Variants in SFMBT2 observed in about 807,000 individuals in gnomAD.
SFMBT2 encodes the protein Scm like with four mbt domains 2.
SFMBT2 carries 38 observed loss-of-function variants against 110.1 expected under a neutral mutation model. The observed-to-expected ratio is 0.35, with a 90% CI of 0.27 to 0.45. The LOEUF (loss-of-function observed/expected upper bound fraction) is 0.45, where lower values mean the gene tolerates loss of function less well. Ranked by LOEUF, SFMBT2 falls within the 20% of genes least tolerant of loss-of-function variation. The pLI, the probability that SFMBT2 is intolerant of heterozygous loss-of-function variation, is 1.00. For synonymous variants in SFMBT2, 425 were observed against 425.4 expected (o/e 1.00, Z 0.01); for missense variants, 1,011 against 1,094.9 (o/e 0.92, Z 1.08).
intron 7 of SFMBT2, among the ~76,000 whole-genome samples, chr10:7,276,611 T>C (rs1969928): frequency 0.62 from 93,867 of 152,006 alleles, 29,796 homozygotes; most frequent in East Asian, 0.79. Flanking sequence ...TCACTGTAAC[T>C]TCTGCCTCCC....
At chr10:7,194,360 T>TCTTATAAAGCGGCC (rs1472069841) in intron 15 of SFMBT2, among the ~76,000 whole-genome samples, 1 of 152,106 alleles carries the variant, frequency 6.6e-6, no homozygotes, top group Non-Finnish European at 1.5e-5. Context: ...CTTCGTCCTC[T>TCTTATAAAGCGGCC]CTTATAAAGC....
chr10:7,246,747 T>C (rs942973029), intron 8 of SFMBT2, among the ~76,000 whole-genome samples: 1 of 121,500 alleles, frequency 8.2e-6, no homozygotes, highest in Non-Finnish European at 1.7e-5. Context: ...AAAAGAATGG[T>C]GAGAGACGCT....
intron 1 of SFMBT2, among the ~76,000 whole-genome samples, chr10:7,384,251 G>A (rs962520966): frequency 4.0e-5 from 4 of 99,990 alleles, no homozygotes; most frequent in African/African-American, 1.2e-4. Flanking sequence ...ACCACAGAAA[G>A]GACAAATAAG....
chr10:7,370,488 T>C, intron 2 of SFMBT2, 113 bp from the exon 3 acceptor site: 1 of 876,184 alleles, frequency 1.1e-6, no homozygotes, highest in South Asian at 1.6e-5. Flanking sequence ...AATTCCACAG[T>C]TCAGAAGGAT....
At chr10:7,302,442 A>C (rs1384326623) in intron 4 of SFMBT2, among the ~76,000 whole-genome samples, 1 of 152,238 alleles carries the variant, frequency 6.6e-6, no homozygotes, top group Admixed American at 6.5e-5. Flanking sequence ...GCTGAGGAGC[A>C]GAGTGGGAGC....
chr10:7,267,686 T>TC lies in SFMBT2; in HGVS notation c.870+9205dup, dbSNP rs1307757081. 2.0e-5 allele frequency among the ~76,000 whole-genome samples: 3 copies of TC among 152,200 alleles called. No homozygotes were observed. In the East Asian group the frequency reaches 5.8e-4, roughly 29 times the overall value. ...GAAGTGCAGTTGTCTTATGCATAATTCCCTGCACTCTAAGGCAAATCTCTG... is the reference window on the plus strand; with the variant it reads ...GAAGTGCAGTTGTCTTATGCATAATTCCCCTGCACTCTAAGGCAAATCTCTG... On this transcript the variant is annotated intron_variant, in intron 7 of 20. Coordinates refer to ENST00000397167, the MANE Select transcript of SFMBT2 (RefSeq NM_001387889.1).
At chr10:7,402,113 A>T (rs541257851) in intron 1 of SFMBT2, among the ~76,000 whole-genome samples, 13 of 129,826 alleles carry the variant, frequency 1.0e-4, no homozygotes, top group Admixed American at 7.7e-4. Flanking sequence ...ATTTAACATT[A>T]AAAAAAAAAA....
intron 1 of SFMBT2, among the ~76,000 whole-genome samples, chr10:7,397,178 T>C (rs1394569214): frequency 6.6e-6 from 1 of 152,180 alleles, no homozygotes; most frequent in Non-Finnish European, 1.5e-5. Flanking sequence ...CTCATCTCCA[T>C]TCATCAGGTC....
chr10:7,396,319 G>A (rs529906522), intron 1 of SFMBT2, among the ~76,000 whole-genome samples: 3 of 152,304 alleles, frequency 2.0e-5, no homozygotes, highest in South Asian at 2.1e-4. Context: ...GAGATCTGCC[G>A]GGTCATCCAG....
chr10:7,163,225 C>G lies in SFMBT2; in HGVS notation c.*545G>C, dbSNP rs1296511266. ...CCTAAAAGGCACCTCTAACAGAGGA[C>G]AGAGCTTTAGCACATGTTTTTATAA... On this transcript the variant is annotated 3_prime_UTR_variant, in exon 21 of 21. Transcript: ENST00000397167. This position sits in a 1 kb window ranked among gnomAD's most constrained non-coding sequence, Gnocchi z 4.8. 4 of 156,610 alleles carry G rather than the reference C, an allele frequency of 2.6e-5. No homozygotes were observed. Among genetic ancestry groups the G allele is most frequent in the Non-Finnish European group, 5.7e-5 (4 of 70,740 alleles). 9.7% of individuals were successfully genotyped at this position (156,610 alleles called of 1,614,324 possible). A position where few individuals can be genotyped will look rare whatever the true frequency, so the allele number is the denominator to read the frequency against.
chr10:7,169,168 G>A (rs544376944), intron 20 of SFMBT2, among the ~76,000 whole-genome samples: 53 of 151,850 alleles, frequency 3.5e-4, no homozygotes, highest in Admixed American at 1.6e-3. Context: ...GTTTTGCCAC[G>A]TTGGCCAGGC....
At position 7,170,848 on chromosome 10, in the gene SFMBT2, G is replaced by C; in HGVS notation, c.2544+80C>G. On this transcript the variant is annotated intron_variant, in intron 20 of 20. Coordinates refer to ENST00000397167, the MANE Select transcript of SFMBT2 (RefSeq NM_001387889.1). The surrounding 1 kb of genome is among the most constrained non-coding windows in gnomAD (Gnocchi z 4.6). Reference sequence around the variant, plus strand: ...AGAACCCCCTCGCAGGTGTCACGAGGAAGCCGGCTAGGACACGAGGTTCAT... The same window carrying C: ...AGAACCCCCTCGCAGGTGTCACGAGCAAGCCGGCTAGGACACGAGGTTCAT... The C allele has an allele frequency of 1.3e-6, 2 of 1,577,826 alleles. No individual in the cohort carries two copies. The highest frequency in any genetic ancestry group is 1.7e-6 in the Non-Finnish European group (2 of 1,153,070).
chr10:7,381,188 G>A (rs57820998), intron 2 of SFMBT2, among the ~76,000 whole-genome samples: 2 of 152,246 alleles, frequency 1.3e-5, no homozygotes, highest in East Asian at 1.9e-4. Flanking sequence ...GAAGGGAGAC[G>A]CACTTCACCA....
At chr10:7,260,274 G>A (rs375469804) in intron 7 of SFMBT2, among the ~76,000 whole-genome samples, 218 of 152,218 alleles carry the variant, frequency 1.4e-3, no homozygotes, top group African/African-American at 5.0e-3. Context: ...AACCCTACTC[G>A]ACCTGGTATA....
At chr10:7,236,856 T>A (rs1166137103) in intron 9 of SFMBT2, among the ~76,000 whole-genome samples, 1 of 152,206 alleles carries the variant, frequency 6.6e-6, no homozygotes, top group Non-Finnish European at 1.5e-5. Flanking sequence ...GGTTATCATA[T>A]GTGTGAAGCA....
intron 4 of SFMBT2, among the ~76,000 whole-genome samples, chr10:7,343,465 A>G (rs1843993435): frequency 6.6e-6 from 1 of 152,146 alleles, no homozygotes; most frequent in South Asian, 2.1e-4. Context: ...AAATCTCCAG[A>G]GTGCTTTCCA....
At chr10:7,213,542 T>A (rs533170628) in intron 11 of SFMBT2, among the ~76,000 whole-genome samples, 3 of 152,220 alleles carry the variant, frequency 2.0e-5, no homozygotes, top group Non-Finnish European at 2.9e-5. Flanking sequence ...CTTGGGTGAA[T>A]AACGGCATCA....
intron 9 of SFMBT2, among the ~76,000 whole-genome samples, chr10:7,228,721 TTCTTTCTTTCTTTCC>T (rs993222576): frequency 8.0e-6 from 1 of 124,294 alleles, no homozygotes; most frequent in African/African-American, 3.5e-5. Flanking sequence ...CTTTCTTTCT[TTCTTTCTTTCTTTCC>T]TTTCTCTCTC....
intron 4 of SFMBT2, among the ~76,000 whole-genome samples, chr10:7,287,716 A>G (rs151199676): frequency 1.6e-3 from 247 of 151,516 alleles, no homozygotes; most frequent in African/African-American, 5.7e-3. Context: ...TGCATTGTTT[A>G]GGTTCTTCAA....
Sources: allele counts gnomAD v4.1 joint callset (sites outside exome capture counted in the v4.1 genomes callset), GRCh38; gene constraint gnomAD v4.1.1; non-coding constraint Gnocchi (gnomAD v3.1); transcripts MANE v1.5; gene names NCBI Gene and HGNC (gene_info 2026-07-23, HGNC 2026-07-21).